Variants in EIF4E3 observed in about 807,000 individuals in gnomAD.
EIF4E3 encodes eukaryotic translation initiation factor 4E family member 3, also known as eukaryotic translation initiation factor 4E type 3.
EIF4E3 carries 26 observed loss-of-function variants against 31.7 expected under a neutral mutation model. The ratio of observed to expected loss-of-function variants is 0.82; its 90% CI spans 0.60 to 1.14. The LOEUF (loss-of-function observed/expected upper bound fraction) is 1.14. EIF4E3 is among the 50% of genes most tolerant of loss of function. EIF4E3 has a pLI of 0.00. For missense variants in EIF4E3, 304 were observed against 270.9 expected, an observed-to-expected ratio of 1.12 and a Z score of -0.86; for synonymous variants, 128 against 107.7, an observed-to-expected ratio of 1.19 and a Z score of -1.17.
intron 3 of EIF4E3, among the ~76,000 whole-genome samples, chr3:71,697,935 T>G (rs2108042981): frequency 6.6e-6 from 1 of 152,328 alleles, no homozygotes; most frequent in Non-Finnish European, 1.5e-5. Flanking sequence ...TATCTGGCAG[T>G]GGGACTGCTG....
the EIF4E3 span, among the ~76,000 whole-genome samples, chr3:71,667,185 C>T: frequency 6.6e-6 from 1 of 152,116 alleles, no homozygotes; most frequent in Non-Finnish European, 1.5e-5. Context: ...TAGAAAAGGA[C>T]TTCGATAAAA....
chr3:71,736,061 ATATCATAT>A (rs2049759715), intron 1 of EIF4E3, among the ~76,000 whole-genome samples: 1 of 152,218 alleles, frequency 6.6e-6, no homozygotes, highest in Non-Finnish European at 1.5e-5. Context: ...AAGATGCTTA[ATATCATAT>A]GTCACTGGAG....
intron 1 of EIF4E3, among the ~76,000 whole-genome samples, chr3:71,748,594 G>T (rs1454033841): frequency 6.6e-6 from 1 of 152,122 alleles, no homozygotes. Flanking sequence ...CCTCAGCCCA[G>T]ATTCTCACAC....
At chr3:71,702,903 C>T (rs973070377) in intron 2 of EIF4E3, among the ~76,000 whole-genome samples, 13 of 152,136 alleles carry the variant, frequency 8.5e-5, no homozygotes, top group Admixed American at 3.9e-4. Context: ...AGGTCTGCTA[C>T]AGCGGAAGCC....
At chr3:71,708,563 C>A (rs1303418305) in intron 2 of EIF4E3, among the ~76,000 whole-genome samples, 2 of 151,992 alleles carry the variant, frequency 1.3e-5, no homozygotes, top group Non-Finnish European at 2.9e-5. Flanking sequence ...AGGGGCTCTA[C>A]CAAATACCCT....
intron 3 of EIF4E3, among the ~76,000 whole-genome samples, chr3:71,697,057 C>G (rs567104584): frequency 6.6e-6 from 1 of 152,014 alleles, no homozygotes; most frequent in African/African-American, 2.4e-5. Context: ...ACTCTGTCAC[C>G]CAGGCTGGAG....
chr3:71,684,615 C>A lies in EIF4E3; in HGVS notation c.*67G>T. The A allele has an allele frequency of 6.3e-7, 1 of 1,593,932 alleles. No homozygotes were observed. Among genetic ancestry groups the A allele is most frequent in the Non-Finnish European group, 8.6e-7 (1 of 1,163,800 alleles). ...GGCTTCGGCAAGTCTTCTCTTCACT[C>A]TCCCTCCTGTTAAGACCGTTTCCAA... On this transcript the variant is annotated 3_prime_UTR_variant, in exon 7 of 7. Coordinates refer to ENST00000425534, the MANE Select transcript of EIF4E3 (RefSeq NM_001134651.2).
Position 71,688,517 on chromosome 3 carries a change from G to A in EIF4E3, c.628+1493C>T, listed in dbSNP as rs894060990. Among the ~76,000 whole-genome samples, 4 of 152,084 alleles carry A rather than the reference G, an allele frequency of 2.6e-5. No individual in the cohort carries two copies. In the East Asian group the frequency reaches 7.7e-4, roughly 29 times the overall value. ...GCTCAAGGTCACACTGGTGAAGTGG[G>A]ACAAAAACCTAAAGTGCCTGACTTA... On this transcript the variant is annotated intron_variant, in intron 6 of 6. Transcript: ENST00000425534.
intron 1 of EIF4E3, among the ~76,000 whole-genome samples, chr3:71,741,973 T>TA (rs547667759): frequency 1.3e-5 from 2 of 152,086 alleles, no homozygotes; most frequent in South Asian, 2.1e-4. Context: ...TGAATGAATA[T>TA]AAAAAAACAC....
At chr3:71,751,717 G>A (rs1204989380) in intron 1 of EIF4E3, among the ~76,000 whole-genome samples, 2 of 152,170 alleles carry the variant, frequency 1.3e-5, no homozygotes, top group African/African-American at 4.8e-5. Flanking sequence ...CTTCTAGAAA[G>A]CTCTTCCTAC....
intron 5 of EIF4E3, among the ~76,000 whole-genome samples, chr3:71,691,765 T>C (rs147173763): frequency 2.3e-4 from 35 of 152,376 alleles, no homozygotes; most frequent in African/African-American, 7.2e-4. Flanking sequence ...AGAAACTTAT[T>C]ATCCCATCAA....
chr3:71,748,182 AAC>A (rs2049892223), intron 1 of EIF4E3, among the ~76,000 whole-genome samples: 1 of 147,524 alleles, frequency 6.8e-6, no homozygotes, highest in African/African-American at 2.5e-5. Context: ...CATGGGTTTG[AAC>A]TGCATGGGTT....
rs570113421 is a variant in EIF4E3, at chr3:71,683,063, T to C, written c.*1619A>G. 2 of 152,232 alleles carry C rather than the reference T, an allele frequency of 1.3e-5. No homozygotes were observed. Among genetic ancestry groups the C allele is most frequent in the East Asian group, 3.9e-4 (2 of 5,174 alleles). 9.4% of individuals were successfully genotyped at this position (152,232 alleles called of 1,614,324 possible). A position where few individuals can be genotyped will look rare whatever the true frequency, so the allele number is the denominator to read the frequency against. On this transcript the variant is annotated 3_prime_UTR_variant, in exon 7 of 7. Coordinates refer to ENST00000425534, the MANE Select transcript of EIF4E3 (RefSeq NM_001134651.2). ...GGATCTGATATTCTTATACTTCATT[T>C]TGAAATCACTAAGGAAACTCAAGTT...
downstream of EIF4E3, among the ~76,000 whole-genome samples, chr3:71,674,403 G>A (rs1186476233): frequency 2.0e-5 from 3 of 152,012 alleles, no homozygotes; most frequent in African/African-American, 4.8e-5. Context: ...CACTGCGCCC[G>A]ACCCTGAACT....
chr3:71,706,251 C>G (rs1432727052), intron 2 of EIF4E3, among the ~76,000 whole-genome samples: 1 of 152,092 alleles, frequency 6.6e-6, no homozygotes, highest in Non-Finnish European at 1.5e-5. Context: ...GTCCTAGAGG[C>G]AAGGCATGAC....
At chr3:71,704,204 T>C (rs1445251019) in intron 2 of EIF4E3, among the ~76,000 whole-genome samples, 1 of 152,188 alleles carries the variant, frequency 6.6e-6, no homozygotes, top group East Asian at 1.9e-4. Context: ...TGAGGGTAAT[T>C]TCCCACCACA....
chr3:71,685,808 C>T (rs926054039), intron 6 of EIF4E3, among the ~76,000 whole-genome samples: 3 of 152,192 alleles, frequency 2.0e-5, no homozygotes, highest in East Asian at 1.9e-4. Flanking sequence ...ATCTACCTCC[C>T]GGATCTGGTT....
chr3:71,712,147 G>A (rs1240599719), intron 1 of EIF4E3, among the ~76,000 whole-genome samples: 1 of 152,178 alleles, frequency 6.6e-6, no homozygotes, highest in East Asian at 1.9e-4. Flanking sequence ...TCGATTTGCT[G>A]GACATTGTTT....
intron 6 of EIF4E3, among the ~76,000 whole-genome samples, chr3:71,687,047 C>G (rs2049001755): frequency 6.6e-6 from 1 of 152,178 alleles, no homozygotes; most frequent in Admixed American, 6.5e-5. Context: ...GTCGCCCAGG[C>G]TAGAGTGCAA....
Sources: allele counts gnomAD v4.1 joint callset (sites outside exome capture counted in the v4.1 genomes callset), GRCh38; gene constraint gnomAD v4.1.1; transcripts MANE v1.5; gene names NCBI Gene and HGNC (gene_info 2026-07-23, HGNC 2026-07-21).